Variants in NAALADL2 observed in about 807,000 individuals in gnomAD.
The protein encoded by NAALADL2 is inactive N-acetylated-alpha-linked acidic dipeptidase-like protein 2.
Under a neutral mutation model 87.2 loss-of-function variants are expected in NAALADL2, and 76 were observed. The ratio of observed to expected loss-of-function variants is 0.87; its 90% confidence interval spans 0.72 to 1.05. The LOEUF is 1.05. Ranked by LOEUF, NAALADL2 falls within the 50% of genes least tolerant of loss-of-function variation. NAALADL2 has a pLI of 0.00. For synonymous variants in NAALADL2, 354 were observed against 331.0 expected (o/e 1.07, Z -0.75); for missense variants, 1,089 against 945.8 (o/e 1.15, Z -1.99).
At chr3:174,812,585 T>C (rs562877960) in intron 3 of NAALADL2, among the ~76,000 whole-genome samples, 31 of 152,258 alleles carry the variant, frequency 2.0e-4, no homozygotes, top group Non-Finnish European at 3.4e-4. Flanking sequence ...TTGTAAAACA[T>C]CCTCAGGCAG....
At chr3:175,653,878 C>T (rs1372522782) in intron 11 of NAALADL2, among the ~76,000 whole-genome samples, 1 of 152,176 alleles carries the variant, frequency 6.6e-6, no homozygotes, top group Non-Finnish European at 1.5e-5. Context: ...TTGGGGTCAA[C>T]AACTTTGGTG....
intron 2 of NAALADL2, among the ~76,000 whole-genome samples, chr3:174,556,217 T>C (rs1712797772): frequency 6.6e-6 from 1 of 152,150 alleles, no homozygotes; most frequent in South Asian, 2.1e-4. Context: ...TTCTATTCCC[T>C]GTCGTGGGCC....
intron 2 of NAALADL2, among the ~76,000 whole-genome samples, chr3:174,644,718 G>T (rs1723604057): frequency 6.6e-6 from 1 of 152,182 alleles, no homozygotes; most frequent in East Asian, 1.9e-4. Flanking sequence ...ATGAGTTGCA[G>T]ATGGGATTTA....
chr3:174,486,767 T>C (rs1717883200), intron 1 of NAALADL2, among the ~76,000 whole-genome samples: 1 of 151,990 alleles, frequency 6.6e-6, no homozygotes, highest in Admixed American at 6.6e-5. Context: ...GACTATACAA[T>C]AGTTAATTAG....
intron 1 of NAALADL2, among the ~76,000 whole-genome samples, chr3:175,025,728 T>C (rs1752141222): frequency 6.6e-6 from 1 of 152,138 alleles, no homozygotes; most frequent in Non-Finnish European, 1.5e-5. Flanking sequence ...CTGAAAAGAC[T>C]GGATAAAAAT....
At chr3:175,417,012 A>G (rs1435512053) in intron 5 of NAALADL2, among the ~76,000 whole-genome samples, 2 of 151,404 alleles carry the variant, frequency 1.3e-5, no homozygotes, top group Non-Finnish European at 1.5e-5. Context: ...AGCACTAAGC[A>G]ATTGTTTATG....
intron 2 of NAALADL2, among the ~76,000 whole-genome samples, chr3:175,173,574 C>A (rs1735207040): frequency 6.6e-6 from 1 of 152,252 alleles, no homozygotes; most frequent in African/African-American, 2.4e-5. Flanking sequence ...TAAATATGAA[C>A]CTTTATTTAT....
intron 3 of NAALADL2, among the ~76,000 whole-genome samples, chr3:174,815,088 G>A (rs918519155): frequency 2.0e-5 from 3 of 152,116 alleles, no homozygotes; most frequent in Non-Finnish European, 2.9e-5. Context: ...CTATGTTAAA[G>A]GTCCTGGTTC....
At chr3:174,909,254 C>T (rs1733373359) in intron 1 of NAALADL2, among the ~76,000 whole-genome samples, 1 of 151,900 alleles carries the variant, frequency 6.6e-6, no homozygotes, top group Non-Finnish European at 1.5e-5. Context: ...ATTATCCTGG[C>T]ATGGTGACGG....
At chr3:175,132,748 C>T (rs1437424080) in intron 2 of NAALADL2, among the ~76,000 whole-genome samples, 1 of 149,984 alleles carries the variant, frequency 6.7e-6, no homozygotes, top group Admixed American at 6.6e-5. Flanking sequence ...CAGAGGCACC[C>T]CTCACCTCCC....
chr3:174,953,427 C>T (rs573715902), intron 1 of NAALADL2, among the ~76,000 whole-genome samples: 33 of 149,624 alleles, frequency 2.2e-4, no homozygotes, highest in African/African-American at 6.9e-4. Flanking sequence ...TAGACTACAC[C>T]AGTAAACAAA....
chr3:174,849,904 T>C (rs1725060136), intron 3 of NAALADL2, among the ~76,000 whole-genome samples: 1 of 152,164 alleles, frequency 6.6e-6, no homozygotes, highest in South Asian at 2.1e-4. Context: ...TGTCTTTTAA[T>C]CTTCCTACTA....
chr3:175,305,250 A>G lies in NAALADL2; in HGVS notation c.940-18925A>G, dbSNP rs1176989342. Among the ~76,000 whole-genome samples the G allele has an allele frequency of 6.1e-5, 9 of 148,758 alleles. No homozygotes were observed. In the East Asian group the frequency reaches 1.6e-3, roughly 26 times the overall value. On this transcript the variant is annotated intron_variant, in intron 4 of 13. Transcript: ENST00000454872. ...ATGGTGTGTGTGTGTGTGTTTGTGTATGTGTGTGTGTGTGTGTGTGTATGT... is the reference window on the plus strand; with the variant it reads ...ATGGTGTGTGTGTGTGTGTTTGTGTGTGTGTGTGTGTGTGTGTGTGTATGT...
intron 2 of NAALADL2, among the ~76,000 whole-genome samples, chr3:175,187,347 C>T (rs1737494047): frequency 6.6e-6 from 1 of 152,166 alleles, no homozygotes; most frequent in African/African-American, 2.4e-5. Flanking sequence ...TTTACTGACT[C>T]AAGGGTGTTT....
chr3:175,766,289 T>C (rs1748669132), intron 13 of NAALADL2, among the ~76,000 whole-genome samples: 3 of 152,146 alleles, frequency 2.0e-5, no homozygotes, highest in South Asian at 2.1e-4. Flanking sequence ...AAGTCTCATA[T>C]ACTATACTTA....
At chr3:175,312,385 C>G (rs953483196) in intron 4 of NAALADL2, among the ~76,000 whole-genome samples, 2 of 151,098 alleles carry the variant, frequency 1.3e-5, no homozygotes, top group African/African-American at 2.4e-5. Flanking sequence ...TCTAAAATGT[C>G]CCAATCTATT....
At chr3:175,464,351 G>C (rs563256445) in intron 7 of NAALADL2, among the ~76,000 whole-genome samples, 1 of 151,432 alleles carries the variant, frequency 6.6e-6, no homozygotes, top group Admixed American at 6.6e-5. Flanking sequence ...TTGAATCTGG[G>C]AGGCGGAGGT....
rs774850891 is a variant in NAALADL2, at chr3:175,096,826, A to G, written c.80A>G (p.Gln27Arg). ...KMAYQKVHADQRAPGHSQYLD... is the reference protein window; with the variant it reads ...KMAYQKVHADRRAPGHSQYLD... ...GCCTATCAGAAGGTCCATGCAGATC[A>G]AAGAGCTCCAGGACACTCACAGTAC... Residue 27 changes from glutamine (Q) to arginine (R), a missense_variant, in exon 2 of 14, where the codon CAA becomes CGA. Coordinates refer to ENST00000454872, the MANE Select transcript of NAALADL2 (RefSeq NM_207015.3). 9.4e-6 allele frequency: 15 copies of G among 1,601,652 alleles called. No individual in the cohort carries two copies. The highest frequency in any genetic ancestry group is 8.9e-5 in the East Asian group (4 of 44,716).
intron 3 of NAALADL2, among the ~76,000 whole-genome samples, chr3:174,822,851 G>A (rs1444175613): frequency 6.6e-6 from 1 of 152,048 alleles, no homozygotes. Context: ...ACTTTGTTTA[G>A]CCTTTTGCTT....
Sources: gnomAD v4.1 joint callset for allele counts (sites outside exome capture counted in the v4.1 genomes callset) on GRCh38, gnomAD v4.1.1 for gene constraint, MANE v1.5 for transcripts, NCBI Gene and HGNC (gene_info 2026-07-23, HGNC 2026-07-21) for gene names.